The following BBX variants were observed in gnomAD, a reference collection of about 807,000 sequenced individuals.
BBX encodes BBX high mobility group box domain containing, also known as HMG box transcription factor BBX.
BBX carries 30 observed loss-of-function variants against 100.2 expected under a neutral mutation model. That is an observed-to-expected ratio of 0.30 (90% confidence interval 0.22 to 0.41). The LOEUF (loss-of-function observed/expected upper bound fraction) is 0.41, where lower values mean the gene tolerates loss of function less well. BBX is among the 10% of genes least tolerant of loss of function. BBX has a pLI of 1.00. For synonymous variants in BBX, 376 were observed against 388.1 expected (o/e 0.97, Z 0.37); for missense variants, 1,023 against 1,129.8 (o/e 0.91, Z 1.35).
At chr3:107,695,698 G>C (rs1456389968) in intron 3 of BBX, among the ~76,000 whole-genome samples, 1 of 151,684 alleles carries the variant, frequency 6.6e-6, no homozygotes, top group African/African-American at 2.4e-5. Flanking sequence ...GAGTTCTGTA[G>C]ATGTCTATTA....
chr3:107,549,151 T>C (rs1408053637), intron 2 of BBX, among the ~76,000 whole-genome samples: 1 of 152,128 alleles, frequency 6.6e-6, no homozygotes, highest in African/African-American at 2.4e-5. Context: ...GTTTTAAAAA[T>C]AGAATATGAA....
At chr3:107,706,080 T>C (rs1289715712) in intron 3 of BBX, among the ~76,000 whole-genome samples, 1 of 148,580 alleles carries the variant, frequency 6.7e-6, no homozygotes, top group Non-Finnish European at 1.5e-5. Context: ...TGGAGTGCAG[T>C]GGCATAATCT....
Position 107,783,516 on chromosome 3 carries a change from T to G in BBX, c.2203+4997T>G, listed in dbSNP as rs952194888. Among the ~76,000 whole-genome samples the G allele has an allele frequency of 5.3e-4, 80 of 151,860 alleles. 5 individuals carry two copies. Among genetic ancestry groups the G allele is most frequent in the Non-Finnish European group, 2.9e-5 (2 of 67,974 alleles). ...CTAACACACTGCATACGTCAAATCATTTTGCTTCTGTGAACTACTTCTTTA... is the reference window on the plus strand; with the variant it reads ...CTAACACACTGCATACGTCAAATCAGTTTGCTTCTGTGAACTACTTCTTTA... On this transcript the variant is annotated intron_variant, in intron 13 of 17. Transcript: ENST00000325805.
intron 2 of BBX, among the ~76,000 whole-genome samples, chr3:107,566,034 G>GC (rs1458908340): frequency 2.0e-5 from 3 of 151,748 alleles, no homozygotes; most frequent in African/African-American, 7.2e-5. Flanking sequence ...AATTAGCCAG[G>GC]CATGGTGGTG....
chr3:107,686,178 G>A (rs893133567), intron 3 of BBX, among the ~76,000 whole-genome samples: 16 of 152,148 alleles, frequency 1.1e-4, no homozygotes, highest in Non-Finnish European at 1.9e-4. Flanking sequence ...AAATATGTGT[G>A]TGTGTTTATG....
At position 107,769,169 on chromosome 3, in the gene BBX, C is replaced by CATAGATAGATAG. The variant is rs61134656; in HGVS notation, c.907-3409_907-3398dup. On this transcript the variant is annotated intron_variant, in intron 10 of 17. Coordinates refer to ENST00000325805, the MANE Select transcript of BBX (RefSeq NM_001142568.3). ...CATAATAGAGCACGACTCTATCATT[C>CATAGATAGATAG]ATAGATAGATAGATAGATAGATAGA... Among the ~76,000 whole-genome samples the CATAGATAGATAG allele has an allele frequency of 1.5e-3, 199 of 132,456 alleles. 1 individual carries two copies. The highest frequency in any genetic ancestry group is 3.3e-3 in the East Asian group (14 of 4,258). 86.9% of individuals were successfully genotyped at this position (132,456 alleles called of 152,430 possible). A position where few individuals can be genotyped will look rare whatever the true frequency, so the allele number is the denominator to read the frequency against.
Position 107,668,258 on chromosome 3 carries a change from G to T in BBX, c.-10+22349G>T, listed in dbSNP as rs530438529. On this transcript the variant is annotated intron_variant, in intron 3 of 17. Transcript: ENST00000325805. The stretch of plus-strand genomic sequence containing the variant: ...AACTCAGAATCTGTGTGTTTCTTTT[G>T]TGCTCAGCCAGTGGACACTACTCCT... Among the ~76,000 whole-genome samples, 196 of 152,214 alleles carry T rather than the reference G, an allele frequency of 1.3e-3. 1 individual carries two copies. Among genetic ancestry groups the T allele is most frequent in the African/African-American group, 4.5e-3 (185 of 41,536 alleles).
chr3:107,580,701 G>A (rs2052210779), intron 2 of BBX, among the ~76,000 whole-genome samples: 1 of 151,944 alleles, frequency 6.6e-6, no homozygotes, highest in African/African-American at 2.4e-5. Flanking sequence ...GCACGATCTT[G>A]GCTCACTGCA....
intron 2 of BBX, 57 bp from the exon 3 acceptor site, chr3:107,645,779 A>G (rs1267586560): frequency 6.6e-6 from 1 of 152,628 alleles, no homozygotes; most frequent in East Asian, 1.9e-4. Context: ...GTCAGCTTTA[A>G]TTTGAAAGGC....
At chr3:107,678,847 A>G (rs908113955) in intron 3 of BBX, among the ~76,000 whole-genome samples, 3 of 152,194 alleles carry the variant, frequency 2.0e-5, no homozygotes, top group Non-Finnish European at 4.4e-5. Context: ...GCAAAGCACT[A>G]TTCCAAGCAG....
chr3:107,602,341 A>T (rs1234361056), intron 2 of BBX, among the ~76,000 whole-genome samples: 1 of 152,224 alleles, frequency 6.6e-6, no homozygotes, highest in Admixed American at 6.5e-5. Context: ...AATAGTGATT[A>T]TAGTGATTGC....
chr3:107,679,541 A>C (rs1249906706), intron 3 of BBX, among the ~76,000 whole-genome samples: 1 of 152,192 alleles, frequency 6.6e-6, no homozygotes, highest in African/African-American at 2.4e-5. Flanking sequence ...GGGCATACAA[A>C]GATAAATAAA....
intron 2 of BBX, among the ~76,000 whole-genome samples, chr3:107,549,481 G>T (rs1197852558): frequency 6.6e-6 from 1 of 152,130 alleles, no homozygotes; most frequent in Non-Finnish European, 1.5e-5. Flanking sequence ...GGATAGGTGT[G>T]TGCAAAGATA....
At chr3:107,629,596 T>C (rs1436945528) in intron 2 of BBX, among the ~76,000 whole-genome samples, 1 of 151,504 alleles carries the variant, frequency 6.6e-6, no homozygotes, top group Non-Finnish European at 1.5e-5. Flanking sequence ...TTTTTTTCCT[T>C]CTACAAACAC....
intron 3 of BBX, among the ~76,000 whole-genome samples, chr3:107,691,730 A>C (rs1053460148): frequency 6.6e-6 from 1 of 152,194 alleles, no homozygotes; most frequent in Non-Finnish European, 1.5e-5. Context: ...ACGTATATTC[A>C]AGGCAGTATT....
intron 5 of BBX, among the ~76,000 whole-genome samples, chr3:107,723,580 GC>G (rs922142848): frequency 8.6e-5 from 13 of 151,780 alleles, no homozygotes; most frequent in Non-Finnish European, 1.6e-4. Flanking sequence ...CCCACAACAG[GC>G]CCCGGTGTGT....
At chr3:107,742,918 T>G (rs1187478849) in intron 7 of BBX, among the ~76,000 whole-genome samples, 1 of 152,176 alleles carries the variant, frequency 6.6e-6, no homozygotes, top group African/African-American at 2.4e-5. Context: ...AAATGACACT[T>G]AAAAGAAAGT....
In BBX at chr3:107,716,663, T is replaced by C. The variant is rs1265141819; in HGVS notation, c.219T>C (p.Asp73=). Residue 73 remains aspartate, a synonymous_variant, in exon 5 of 18, where the codon GAT becomes GAC. Transcript: ENST00000325805. ...AAGATGTTGGTGAAACTGAAGATGA[T>C]GAATCACCAGAGCAGCGAGCCCGGA... ...LEQDVGETED[D]ESPEQRARRP... is the part of the protein sequence containing the mutation. 7 of 1,613,716 alleles carry C rather than the reference T, an allele frequency of 4.3e-6. No individual in the cohort carries two copies. The highest frequency in any genetic ancestry group is 5.9e-6 in the Non-Finnish European group (7 of 1,179,818).
intron 2 of BBX, among the ~76,000 whole-genome samples, chr3:107,641,116 ACT>A (rs1334728985): frequency 7.5e-6 from 1 of 133,004 alleles, no homozygotes; most frequent in Non-Finnish European, 1.6e-5. Flanking sequence ...ACTGAATCTC[ACT>A]CTGTCGCCCA....
Sources: gnomAD v4.1 joint callset for allele counts (sites outside exome capture counted in the v4.1 genomes callset) on GRCh38, gnomAD v4.1.1 for gene constraint, MANE v1.5 for transcripts, NCBI Gene and HGNC (gene_info 2026-07-23, HGNC 2026-07-21) for gene names.